DENND4C: variants seen among roughly 807,000 people sequenced by gnomAD.
The protein encoded by DENND4C is DENN domain containing 4C.
DENND4C carries 108 observed loss-of-function variants against 203.0 expected under a neutral mutation model. The observed-to-expected ratio is 0.53, with a 90% CI of 0.46 to 0.62. The LOEUF (loss-of-function observed/expected upper bound fraction) is 0.62, where lower values mean the gene tolerates loss of function less well. Ranked by LOEUF, DENND4C falls within the 20% of genes least tolerant of loss-of-function variation. The pLI is 0.00. For missense variants in DENND4C, 2,481 were observed against 2,301.2 expected (o/e 1.08, Z -1.60); for synonymous variants, 871 against 792.4 (o/e 1.10, Z -1.67).
intron 23 of DENND4C, among the ~76,000 whole-genome samples, chr9:19,348,810 A>G (rs1823477593): frequency 6.6e-6 from 1 of 151,894 alleles, no homozygotes; most frequent in Non-Finnish European, 1.5e-5. Context: ...AAAGTGTATC[A>G]TTTTATTTTA....
intron 23 of DENND4C, among the ~76,000 whole-genome samples, chr9:19,349,848 G>A (rs920196943): frequency 6.6e-6 from 1 of 152,016 alleles, no homozygotes; most frequent in African/African-American, 2.4e-5. Context: ...AAGAAGTACA[G>A]GTGAAAAACA....
At chr9:19,291,527 A>C (rs1241637446) in intron 5 of DENND4C, 2 of 152,194 alleles carry the variant, frequency 1.3e-5, no homozygotes, top group Non-Finnish European at 2.9e-5. Flanking sequence ...AACATAGCAC[A>C]ACTCCGTCTC....
chr9:19,291,481 A>G (rs1360566522), intron 5 of DENND4C: 2 of 152,672 alleles, frequency 1.3e-5, no homozygotes, highest in Non-Finnish European at 2.9e-5. Context: ...AGACAGGTGG[A>G]TCACTTCAGG....
chr9:19,356,134 A>G (rs1033296603), intron 26 of DENND4C, among the ~76,000 whole-genome samples: 5 of 152,160 alleles, frequency 3.3e-5, no homozygotes, highest in East Asian at 1.9e-4. Flanking sequence ...GCGTCCTTCA[A>G]TTTACACTTT....
Position 19,352,059 on chromosome 9 carries a change from A to T in DENND4C, c.4496-14A>T, listed in dbSNP as rs73648909. 8.8e-3 allele frequency: 13,990 copies of T among 1,595,484 alleles called. 1,027 individuals carry two copies. The African/African-American group carries it at 0.16, about 18-fold the overall frequency. On this transcript the variant is annotated splice_polypyrimidine_tract_variant and intron_variant, in intron 24 of 32. Coordinates refer to ENST00000434457, the MANE Select transcript of DENND4C (RefSeq NM_001330640.2). ...TTCCTTACTTAAGGTATTACGATGT[A>T]TATTCCTTTGTAGGTGAAGTTCCAT...
At chr9:19,244,739 C>CA (rs11459976) in intron 1 of DENND4C, among the ~76,000 whole-genome samples, 30,769 of 142,140 alleles carry the variant, frequency 0.22, 3,513 homozygotes, top group African/African-American at 0.25. Context: ...GACCCCACCT[C>CA]AAAAAAAAAA....
chr9:19,291,361 A>C (rs1321840880), intron 5 of DENND4C: 1 of 153,390 alleles, frequency 6.5e-6, no homozygotes, highest in Non-Finnish European at 1.5e-5. Flanking sequence ...AAGTGTTTAG[A>C]AATGAAAAAT....
intron 1 of DENND4C, among the ~76,000 whole-genome samples, chr9:19,248,610 G>A (rs981624646): frequency 2.0e-5 from 3 of 151,906 alleles, no homozygotes; most frequent in Non-Finnish European, 4.4e-5. Context: ...GGCTGGTCTC[G>A]AACTCCCGAC....
chr9:19,260,806 T>C (rs1829168530), intron 1 of DENND4C, among the ~76,000 whole-genome samples: 1 of 152,214 alleles, frequency 6.6e-6, no homozygotes, highest in Admixed American at 6.5e-5. Flanking sequence ...TGCAGAAGCA[T>C]TTTAACTTGA....
chr9:19,314,933 G>A (rs546302633), intron 10 of DENND4C, among the ~76,000 whole-genome samples: 2 of 151,888 alleles, frequency 1.3e-5, no homozygotes, highest in South Asian at 4.1e-4. Context: ...AGGCCGAGGT[G>A]GGCGTATCAC....
rs1588905351 is a variant in DENND4C at position 19,316,897 on chromosome 9, A to T, written c.1807+58A>T. On this transcript the variant is annotated intron_variant, in intron 12 of 32. Transcript: ENST00000434457. ...TGAGGTGAAAAATATTTTATATTTG[A>T]TGTTGCTGCCAAGAAATACTTATTG... 8 of 1,407,176 alleles carry T rather than the reference A, an allele frequency of 5.7e-6. No individual in the cohort carries two copies. In the East Asian group the frequency reaches 1.8e-4, roughly 32 times the overall value. The allele number at this position is 1,407,176 out of a possible 1,614,324, so 87.2% of individuals were successfully genotyped here. A position where few individuals can be genotyped will look rare whatever the true frequency, so the allele number is the denominator to read the frequency against.
rs533308722 is a variant in DENND4C, at chr9:19,372,134, C to T, written c.5838C>T (p.Val1946=). The change falls in exon 33 of 33, where the codon GTC becomes GTT. Residue 1946 remains valine, a synonymous_variant. Transcript: ENST00000434457. ...TTGATGCTCCACCAAGTGCCAGTGT[C>T]GAGTGGTGCAGGAAGTGTTTTGGAG... ...QKIDAPPSAS[V]EWCRKCFGAP... is the part of the protein sequence containing the mutation. The T allele has an allele frequency of 3.0e-5, 48 of 1,613,944 alleles. 1 individual carries two copies. The highest frequency in any genetic ancestry group is 2.7e-4 in the South Asian group (25 of 91,070).
rs1421353188 is a variant in DENND4C at position 19,373,990 on chromosome 9, C to G, written c.*1817C>G. On this transcript the variant is annotated 3_prime_UTR_variant, in exon 33 of 33. Transcript: ENST00000434457. ...AATTTTCATTACCTTCAAAATGGAT[C>G]TTTTGCACTGTCTGAGAGTATATAT... Among the ~76,000 whole-genome samples the G allele has an allele frequency of 6.6e-6, 1 of 152,090 alleles. No homozygotes were observed. Among genetic ancestry groups the G allele is most frequent in the African/African-American group, 2.4e-5 (1 of 41,408 alleles).
chr9:19,233,102 T>C (rs748710775), intron 1 of DENND4C, among the ~76,000 whole-genome samples: 16 of 152,060 alleles, frequency 1.1e-4, no homozygotes, highest in South Asian at 2.1e-4. Flanking sequence ...TAAGTACAGG[T>C]TGTAAAGTAA....
rs372466937 is a variant in DENND4C at position 19,360,387 on chromosome 9, A to G, written c.5304A>G (p.Pro1768=). 4.6e-5 allele frequency: 75 copies of G among 1,614,028 alleles called. No homozygotes were observed. The highest frequency in any genetic ancestry group is 6.3e-5 in the Non-Finnish European group (74 of 1,180,012). The change falls in exon 29 of 33, where the codon CCA becomes CCG. Residue 1768 remains proline (P), a synonymous_variant. Coordinates refer to ENST00000434457, the MANE Select transcript of DENND4C (RefSeq NM_001330640.2). The part of the protein sequence containing the change: ...IHTSSFINQH[P]IIFWNLVWYF... ...CATCTTCTTTCATCAATCAACATCC[A>G]ATCATTTTCTGGAACCTCGTTTGGT...
intron 1 of DENND4C, among the ~76,000 whole-genome samples, chr9:19,234,252 A>C (rs1282351082): frequency 6.6e-6 from 1 of 151,016 alleles, no homozygotes; most frequent in Non-Finnish European, 1.5e-5. Context: ...TTTTTTTGAG[A>C]CCGAGTCTCG....
intron 1 of DENND4C, among the ~76,000 whole-genome samples, chr9:19,273,006 T>C (rs974022642): frequency 1.4e-5 from 2 of 145,486 alleles, no homozygotes; most frequent in Non-Finnish European, 3.0e-5. Context: ...TGGAGTGCAG[T>C]GGCGCGATCT....
rs1461734030 is a variant in DENND4C at position 19,358,830 on chromosome 9, G to A, written c.5160+670G>A. On this transcript the variant is annotated intron_variant, in intron 28 of 32. Transcript: ENST00000434457. The surrounding 1 kb of genome is among the most constrained non-coding windows in gnomAD (Gnocchi z 4.8). ...CGATAAAAGTTGGAATTTGTGTCCG[G>A]AACCTTGATCAGATTTGGGGTTTTT... Among the ~76,000 whole-genome samples the A allele has an allele frequency of 1.3e-5, 2 of 151,916 alleles. No individual in the cohort carries two copies. The highest frequency in any genetic ancestry group is 2.9e-5 in the Non-Finnish European group (2 of 68,018).
At chr9:19,251,643 C>T (rs10119618) in intron 1 of DENND4C, among the ~76,000 whole-genome samples, 75,714 of 152,040 alleles carry the variant, frequency 0.5, 19,588 homozygotes, top group South Asian at 0.58. Flanking sequence ...ACCCAAGTCA[C>T]TTCTTGAAAG....
Sources: gnomAD v4.1 joint callset for allele counts (sites outside exome capture counted in the v4.1 genomes callset) on GRCh38, gnomAD v4.1.1 for gene constraint, Gnocchi (gnomAD v3.1) non-coding constraint, MANE v1.5 for transcripts, NCBI Gene and HGNC (gene_info 2026-07-23, HGNC 2026-07-21) for gene names.